The following EBF2 variants were observed in gnomAD, a reference collection of about 807,000 sequenced individuals.
EBF2 encodes transcription factor COE2.
In EBF2, 21 loss-of-function variants were observed where a neutral mutation model predicts 72.8. That is an observed-to-expected ratio of 0.29 (90% CI 0.20 to 0.42). The LOEUF is 0.42. Among genes scored for constraint, EBF2 ranks in the 10% least tolerant of loss-of-function variants. EBF2 has a pLI of 1.00. For synonymous variants in EBF2, 299 were observed against 274.2 expected (o/e 1.09, Z -0.89); for missense variants, 637 against 731.2 (o/e 0.87, Z 1.49).
chr8:25,945,450 A>T (rs1803751105), intron 6 of EBF2, among the ~76,000 whole-genome samples: 1 of 151,976 alleles, frequency 6.6e-6, no homozygotes, highest in South Asian at 2.1e-4. Flanking sequence ...CTTGGCCTGA[A>T]TGAAGCATCT....
intron 6 of EBF2, among the ~76,000 whole-genome samples, chr8:26,024,810 T>G (rs1174512393): frequency 6.6e-6 from 1 of 152,226 alleles, no homozygotes; most frequent in Non-Finnish European, 1.5e-5. Flanking sequence ...CTTACATGAA[T>G]GTATTTAGCA....
intron 15 of EBF2, among the ~76,000 whole-genome samples, chr8:25,848,453 G>T (rs997014215): frequency 1.3e-5 from 2 of 152,150 alleles, no homozygotes; most frequent in African/African-American, 4.8e-5. Context: ...ACCAAGCAAG[G>T]TTTCCTTCCA....
At chr8:25,932,410 G>C (rs1046185014) in intron 6 of EBF2, among the ~76,000 whole-genome samples, 2 of 151,756 alleles carry the variant, frequency 1.3e-5, no homozygotes, top group African/African-American at 4.8e-5. Flanking sequence ...GCAGCGTACG[G>C]GATGCTACTG....
chr8:25,928,710 A>G (rs149268029), intron 6 of EBF2, among the ~76,000 whole-genome samples: 141 of 151,834 alleles, frequency 9.3e-4, no homozygotes, highest in African/African-American at 3.3e-3. Context: ...TGAAGTATTT[A>G]CCAACATTCC....
intron 10 of EBF2, among the ~76,000 whole-genome samples, chr8:25,871,076 A>G (rs1802431662): frequency 6.6e-6 from 1 of 152,148 alleles, no homozygotes; most frequent in Admixed American, 6.5e-5. Flanking sequence ...GCCGGGTTTG[A>G]CAACTCTTTG....
chr8:25,859,996 C>G (rs919884384), intron 13 of EBF2, among the ~76,000 whole-genome samples: 1 of 151,880 alleles, frequency 6.6e-6, no homozygotes, highest in Non-Finnish European at 1.5e-5. Context: ...GGATTACAAG[C>G]GTGAGCCACC....
chr8:25,910,381 G>A (rs17808918), intron 6 of EBF2, among the ~76,000 whole-genome samples: 63,290 of 151,840 alleles, frequency 0.42, 13,966 homozygotes, highest in East Asian at 0.72. Flanking sequence ...GGCAATTTAC[G>A]ACTTACATTT....
chr8:25,871,509 T>G (rs1802439335), intron 10 of EBF2, among the ~76,000 whole-genome samples: 1 of 152,206 alleles, frequency 6.6e-6, no homozygotes, highest in East Asian at 1.9e-4. Context: ...ATAGCCCCAC[T>G]GAAATATAAT....
At chr8:25,846,468 G>T (rs1057338708) in intron 15 of EBF2, among the ~76,000 whole-genome samples, 6 of 152,022 alleles carry the variant, frequency 3.9e-5, no homozygotes, top group African/African-American at 1.4e-4. Flanking sequence ...TGGGAGGATC[G>T]CTTGAGCCCA....
intron 6 of EBF2, among the ~76,000 whole-genome samples, chr8:25,946,054 T>C (rs1803763793): frequency 6.6e-6 from 1 of 152,226 alleles, no homozygotes; most frequent in Non-Finnish European, 1.5e-5. Flanking sequence ...CTTCTCTCAC[T>C]GCCTGGCGTG....
intron 6 of EBF2, among the ~76,000 whole-genome samples, chr8:26,030,335 A>T (rs1805377895): frequency 6.6e-6 from 1 of 151,328 alleles, no homozygotes; most frequent in Non-Finnish European, 1.5e-5. Flanking sequence ...AAGTTTGCTG[A>T]GAATGATGGT....
intron 14 of EBF2, among the ~76,000 whole-genome samples, chr8:25,856,996 T>G (rs1010748612): frequency 1.3e-5 from 2 of 152,236 alleles, no homozygotes; most frequent in African/African-American, 4.8e-5. Context: ...ATTTTCATAC[T>G]ATCTATTTGA....
intron 14 of EBF2, 65 bp from the exon 15 acceptor site, chr8:25,850,826 A>G: frequency 6.7e-7 from 1 of 1,499,298 alleles, no homozygotes; most frequent in Admixed American, 2.6e-5. Context: ...CACATTTGGC[A>G]CACATTTATT....
chr8:26,000,604 T>G (rs543648275), intron 6 of EBF2, among the ~76,000 whole-genome samples: 1 of 152,360 alleles, frequency 6.6e-6, no homozygotes, highest in East Asian at 1.9e-4. Flanking sequence ...TTCATAAGGA[T>G]GTGTGCATCC....
intron 7 of EBF2, among the ~76,000 whole-genome samples, chr8:25,904,100 A>T (rs891882597): frequency 6.6e-6 from 1 of 152,162 alleles, no homozygotes; most frequent in Non-Finnish European, 1.5e-5. Context: ...CCATTTCTTT[A>T]GACTAGAGGT....
Position 25,952,313 on chromosome 8 carries a change from C to T in EBF2, c.552-43758G>A, listed in dbSNP as rs79699490. ...CTAGTATGTTCACATGCCTGTTGGC[C>T]TACTGTAATTATTTACACATTTTTA... is the stretch of plus-strand genomic sequence containing the variant. On this transcript the variant is annotated intron_variant, in intron 6 of 15. Transcript: ENST00000520164. Among the ~76,000 whole-genome samples the T allele has an allele frequency of 2.4e-3, 371 of 151,844 alleles. 3 individuals are homozygous for T. In the East Asian group the frequency reaches 0.051, roughly 21 times the overall value.
chr8:25,886,635 CTCTT>C, intron 10 of EBF2, 116 bp downstream of exon 10: 1 of 1,219,808 alleles, frequency 8.2e-7, no homozygotes, highest in East Asian at 2.5e-5. Context: ...ACTCAGCTCA[CTCTT>C]TCCACACTAG....
At chr8:25,993,800 T>TG (rs958025567) in intron 6 of EBF2, among the ~76,000 whole-genome samples, 6 of 150,316 alleles carry the variant, frequency 4.0e-5, no homozygotes, top group South Asian at 2.2e-4. Flanking sequence ...TTATGTCTTT[T>TG]GGGGGGGTGG....
At chr8:25,965,376 C>G (rs1431675853) in intron 6 of EBF2, among the ~76,000 whole-genome samples, 1 of 152,190 alleles carries the variant, frequency 6.6e-6, no homozygotes, top group African/African-American at 2.4e-5. Context: ...TGCTTATATG[C>G]AGATTTGGGG....
Sources: gnomAD v4.1 joint callset for allele counts (sites outside exome capture counted in the v4.1 genomes callset) on GRCh38, gnomAD v4.1.1 for gene constraint, MANE v1.5 for transcripts, NCBI Gene and HGNC (gene_info 2026-07-23, HGNC 2026-07-21) for gene names.